COL4A5: variants seen among roughly 807,000 people sequenced by gnomAD.
COL4A5 encodes the protein collagen type IV alpha 5 chain.
A neutral mutation model predicts 130.2 loss-of-function variants in COL4A5; 26 were observed. The ratio of observed to expected loss-of-function variants is 0.20; its 90% CI spans 0.15 to 0.28. The LOEUF is 0.28. Among genes scored for constraint, COL4A5 ranks in the 10% least tolerant of loss-of-function variants. The pLI is 1.00. For missense variants in COL4A5, 1,131 were observed against 1,344.3 expected (o/e 0.84, Z 2.48); for synonymous variants, 496 against 439.6 (o/e 1.13, Z -1.60).
At chrX:108,453,512 C>A (rs927415118) in intron 1 of COL4A5, among the ~76,000 whole-genome samples, 1 of 110,759 alleles carries the variant, frequency 9.0e-6, no homozygotes, top group Admixed American at 9.6e-5. Context: ...GGGTTTATTG[C>A]CACTTGAAAA....
intron 36 of COL4A5, among the ~76,000 whole-genome samples, chrX:108,645,564 C>A (rs1603304286): frequency 9.3e-6 from 1 of 107,088 alleles, no homozygotes; most frequent in Non-Finnish European, 1.9e-5. Flanking sequence ...GCTCCCAGAT[C>A]TTGGTTACTT....
At chrX:108,678,468 T>C (rs1163643660) in intron 44 of COL4A5, among the ~76,000 whole-genome samples, 1 of 111,864 alleles carries the variant, frequency 8.9e-6, no homozygotes, top group Non-Finnish European at 1.9e-5. Flanking sequence ...TCACCTGCTA[T>C]ACCCCTTTAC....
At chrX:108,679,344 G>T (rs1327158720) in intron 44 of COL4A5, among the ~76,000 whole-genome samples, 1 of 111,695 alleles carries the variant, frequency 9.0e-6, no homozygotes, top group Non-Finnish European at 1.9e-5. Flanking sequence ...TTCAACTCTA[G>T]CACTACCTCC....
chrX:108,652,261 A>C (rs1266085604), intron 36 of COL4A5, among the ~76,000 whole-genome samples: 1 of 112,268 alleles, frequency 8.9e-6, no homozygotes. Flanking sequence ...TTAAAAAAGT[A>C]TCTCTGCATG....
chrX:108,627,514 A>G, intron 36 of COL4A5: 1 of 732,535 alleles, frequency 1.4e-6, no homozygotes, highest in Non-Finnish European at 1.6e-6. Context: ...TATCTTAGAC[A>G]ATTTTCTTTG....
At chrX:108,637,924 G>A (rs1423525138) in intron 36 of COL4A5, among the ~76,000 whole-genome samples, 3 of 108,232 alleles carry the variant, frequency 2.8e-5, no homozygotes, top group Non-Finnish European at 3.8e-5. Context: ...GTGCAGTTAC[G>A]GCTCACTGCA....
chrX:108,473,633 A>ATATTTTTTT lies in COL4A5; in HGVS notation c.81+33428_81+33429insATTTTTTTT. ...TATATGTATATATATATATATATAT[A>ATATTTTTTT]TTTTTTTTTTTTTGAGATGAAGTCT... On this transcript the variant is annotated intron_variant, in intron 1 of 52. Transcript: ENST00000328300. Among the ~76,000 whole-genome samples the ATATTTTTTT allele has an allele frequency of 1.2e-3, 41 of 34,558 alleles. 1 individual carries two copies. Among genetic ancestry groups the ATATTTTTTT allele is most frequent in the African/African-American group, 3.9e-3 (36 of 9,271 alleles). The allele number at this position is 34,558 out of a possible 115,157, so 30.0% of individuals were successfully genotyped here.
intron 1 of COL4A5, among the ~76,000 whole-genome samples, chrX:108,520,069 T>G (rs755148789): frequency 9.0e-6 from 1 of 111,627 alleles, no homozygotes. Context: ...CTTTATCACA[T>G]TTTATTTAAT....
intron 18 of COL4A5, among the ~76,000 whole-genome samples, chrX:108,585,308 C>T (rs974616312): frequency 1.8e-5 from 2 of 111,784 alleles, no homozygotes; most frequent in Non-Finnish European, 3.8e-5. Flanking sequence ...CATAATGAGT[C>T]TCAGTTATTA....
chrX:108,459,321 TG>T (rs2064620001), intron 1 of COL4A5, among the ~76,000 whole-genome samples: 1 of 111,280 alleles, frequency 9.0e-6, no homozygotes, highest in South Asian at 3.8e-4. Flanking sequence ...TTCCCCTTAT[TG>T]TACTAATTAG....
intron 2 of COL4A5, among the ~76,000 whole-genome samples, chrX:108,544,826 G>T (rs1390929624): frequency 9.0e-6 from 1 of 111,336 alleles, no homozygotes; most frequent in South Asian, 3.7e-4. Context: ...CTTCTTCCTG[G>T]TTTAGTCTTG....
intron 36 of COL4A5, among the ~76,000 whole-genome samples, chrX:108,630,569 G>A (rs1269114438): frequency 8.9e-6 from 1 of 111,981 alleles, no homozygotes; most frequent in Non-Finnish European, 1.9e-5. Context: ...TTTGTCAGAT[G>A]AGTAGATTGC....
chrX:108,566,715 A>AT (rs1302265703), intron 4 of COL4A5, among the ~76,000 whole-genome samples: 1 of 109,847 alleles, frequency 9.1e-6, no homozygotes, highest in Non-Finnish European at 1.9e-5. Context: ...CGCCCGGCTA[A>AT]TTTTTTGTGA....
intron 30 of COL4A5, among the ~76,000 whole-genome samples, chrX:108,617,064 CTT>C (rs955082182): frequency 2.7e-5 from 3 of 110,602 alleles, no homozygotes; most frequent in African/African-American, 9.8e-5. Context: ...TGAATTCACT[CTT>C]AATATAGAAA....
At chrX:108,515,482 C>A (rs1035142150) in intron 1 of COL4A5, among the ~76,000 whole-genome samples, 1 of 111,671 alleles carries the variant, frequency 9.0e-6, no homozygotes, top group African/African-American at 3.3e-5. Flanking sequence ...GTAAAGAATT[C>A]TGCACCTCCA....
chrX:108,693,652 A>G (rs780209953), intron 50 of COL4A5: 22 of 112,300 alleles, frequency 2.0e-4, no homozygotes, highest in African/African-American at 6.5e-4. Flanking sequence ...GGGTATTGCT[A>G]TAGCCCTGAT....
intron 28 of COL4A5, among the ~76,000 whole-genome samples, chrX:108,604,075 G>A (rs2066688519): frequency 8.9e-6 from 1 of 111,959 alleles, no homozygotes; most frequent in Non-Finnish European, 1.9e-5. Flanking sequence ...AACCCTCAAA[G>A]TCATCTGTGA....
intron 1 of COL4A5, among the ~76,000 whole-genome samples, chrX:108,500,835 G>C (rs1392817322): frequency 1.8e-5 from 2 of 111,353 alleles, no homozygotes; most frequent in Non-Finnish European, 3.8e-5. Context: ...CTTTTTAAAG[G>C]TGCATACATA....
Position 108,655,368 on chromosome X carries a change from G to A in COL4A5, c.3284G>A (p.Gly1095Asp). 1 of 1,210,486 alleles carries A rather than the reference G, an allele frequency of 8.3e-7. No individual in the cohort carries two copies. Among genetic ancestry groups the A allele is most frequent in the Non-Finnish European group, 1.1e-6 (1 of 894,942 alleles). The change falls in exon 37 of 53, where the codon GGT becomes GAT. Residue 1095 changes from glycine (G) to aspartate (D), a missense_variant. By Grantham distance (94) the Gly-to-Asp change is moderately conservative. Coordinates refer to ENST00000328300, the MANE Select transcript of COL4A5 (RefSeq NM_033380.3). The part of the protein sequence containing the change: ...PGLPGYPGNP[G>D]IKGSVGDPGL... ...CTGCCTGGATACCCAGGGAACCCTG[G>A]TATCAAAGGTTCTGTGGGAGATCCT...
Sources: gnomAD v4.1 joint callset for allele counts (sites outside exome capture counted in the v4.1 genomes callset) on GRCh38, gnomAD v4.1.1 for gene constraint, MANE v1.5 for transcripts, NCBI Gene and HGNC (gene_info 2026-07-23, HGNC 2026-07-21) for gene names.